Variants in SPPL3 observed in about 807,000 individuals in gnomAD.
SPPL3 encodes the protein signal peptide peptidase-like 3.
A neutral mutation model predicts 42.4 loss-of-function variants in SPPL3; 5 were observed. That is an observed-to-expected ratio of 0.12 (90% confidence interval 0.06 to 0.25). The LOEUF is 0.25. Ranked by LOEUF, SPPL3 falls within the 10% of genes least tolerant of loss-of-function variation. SPPL3 has a pLI of 1.00. For synonymous variants in SPPL3, 195 were observed against 181.8 expected (o/e 1.07, Z -0.58); for missense variants, 235 against 489.0 (o/e 0.48, Z 4.90).
intron 1 of SPPL3, among the ~76,000 whole-genome samples, chr12:120,849,467 C>T (rs1872153315): frequency 6.6e-6 from 1 of 152,184 alleles, no homozygotes; most frequent in Non-Finnish European, 1.5e-5. Flanking sequence ...TCTATCTATA[C>T]TAGCAATGGC....
chr12:120,781,264 C>T (rs3850521), intron 6 of SPPL3, among the ~76,000 whole-genome samples: 6,358 of 151,956 alleles, frequency 0.042, 180 homozygotes, highest in South Asian at 0.11. Context: ...CTACTATAGC[C>T]TATCTGAAAG....
At chr12:120,765,818 T>C (rs1213651733) in intron 10 of SPPL3, among the ~76,000 whole-genome samples, 1 of 152,174 alleles carries the variant, frequency 6.6e-6, no homozygotes, top group East Asian at 1.9e-4. Flanking sequence ...GGGCTGAGAA[T>C]AGATATCTGG....
chr12:120,810,977 C>G (rs1566048493), intron 1 of SPPL3, 91 bp from the exon 2 acceptor site: 2 of 786,512 alleles, frequency 2.5e-6, no homozygotes, highest in African/African-American at 3.6e-5. Context: ...CCCCACTGAG[C>G]TTTGTTTTTA....
intron 3 of SPPL3, among the ~76,000 whole-genome samples, chr12:120,789,934 T>C (rs530413388): frequency 2.0e-5 from 3 of 151,774 alleles, no homozygotes; most frequent in Admixed American, 1.3e-4. Flanking sequence ...GAGGTAAACT[T>C]AGACATAATA....
At position 120,855,971 on chromosome 12, in the gene SPPL3, T is replaced by C. The variant is rs368355452; in HGVS notation, c.24-45085A>G. On this transcript the variant is annotated intron_variant, in intron 1 of 10. Transcript: ENST00000353487. ...GGCCCAGGGAGTGAATCGTGATTAA[T>C]GTAAGCCAGCACTGTTCAACAGAAC... Among the ~76,000 whole-genome samples the C allele has an allele frequency of 4.1e-4, 62 of 152,286 alleles. No individual in the cohort carries two copies. The South Asian group carries it at 0.013, about 31-fold the overall frequency.
chr12:120,840,568 C>T (rs1871785185), intron 1 of SPPL3, among the ~76,000 whole-genome samples: 1 of 151,836 alleles, frequency 6.6e-6, no homozygotes. Context: ...AGAATTGTGG[C>T]CAGATGCGGT....
At chr12:120,857,332 T>C (rs1872495081) in intron 1 of SPPL3, among the ~76,000 whole-genome samples, 1 of 152,220 alleles carries the variant, frequency 6.6e-6, no homozygotes. Context: ...CAACAGATGC[T>C]GGCGAGGCTG....
At position 120,850,462 on chromosome 12, in the gene SPPL3, C is replaced by G. The variant is rs565751197; in HGVS notation, c.24-39576G>C. On this transcript the variant is annotated intron_variant, in intron 1 of 10. Transcript: ENST00000353487. ...CTGCTTGAGCCCAAGAGTTCAAGAC[C>G]AGCCTGGACAACATAGTGAGACCAG... Among the ~76,000 whole-genome samples the G allele has an allele frequency of 3.2e-4, 44 of 138,110 alleles. No homozygotes were observed. In the East Asian group the frequency reaches 8.3e-3, roughly 26 times the overall value. 90.6% of individuals were successfully genotyped at this position (138,110 alleles called of 152,430 possible). A position where few individuals can be genotyped will look rare whatever the true frequency, so the allele number is the denominator to read the frequency against.
chr12:120,767,706 G>A (rs1198725169), intron 8 of SPPL3, 113 bp from the exon 9 acceptor site: 8 of 1,034,146 alleles, frequency 7.7e-6, no homozygotes, highest in Non-Finnish European at 4.2e-6. Context: ...CTGCATGGCA[G>A]ATGGAAATCT....
intron 1 of SPPL3, among the ~76,000 whole-genome samples, chr12:120,896,054 T>G (rs543397667): frequency 6.6e-6 from 1 of 152,294 alleles, no homozygotes; most frequent in African/African-American, 2.4e-5. Flanking sequence ...AAAAAAATCC[T>G]TTGGTGGTTC....
intron 1 of SPPL3, among the ~76,000 whole-genome samples, chr12:120,836,726 C>G (rs1188366937): frequency 2.6e-5 from 4 of 152,150 alleles, no homozygotes; most frequent in Non-Finnish European, 5.9e-5. Flanking sequence ...AAGGGCAACC[C>G]AAGGGATACT....
intron 1 of SPPL3, among the ~76,000 whole-genome samples, chr12:120,856,342 T>C (rs1037170838): frequency 2.0e-5 from 3 of 151,470 alleles, no homozygotes; most frequent in Non-Finnish European, 4.4e-5. Flanking sequence ...CTTGAGGATG[T>C]GATGTCTCGG....
intron 1 of SPPL3, chr12:120,811,552 T>C (rs1252156864): frequency 6.6e-6 from 1 of 152,242 alleles, no homozygotes; most frequent in Admixed American, 6.5e-5. Context: ...CTAATCCCAC[T>C]GCCAATTTGT....
At chr12:120,799,030 T>A (rs950172271) in intron 2 of SPPL3, among the ~76,000 whole-genome samples, 1 of 152,202 alleles carries the variant, frequency 6.6e-6, no homozygotes. Context: ...CCATCCTGGA[T>A]GTTTTAAGGC....
chr12:120,846,483 T>C (rs1872044328), intron 1 of SPPL3, among the ~76,000 whole-genome samples: 1 of 152,224 alleles, frequency 6.6e-6, no homozygotes, highest in African/African-American at 2.4e-5. Flanking sequence ...GCTGCTAGTA[T>C]TTCCATTTAA....
chr12:120,781,653 A>T (rs920939905), intron 6 of SPPL3, among the ~76,000 whole-genome samples: 2 of 133,626 alleles, frequency 1.5e-5, no homozygotes, highest in South Asian at 4.6e-4. Flanking sequence ...GGCTCACTGC[A>T]AGCTCCGCCT....
In SPPL3 at chr12:120,852,824, A is replaced by C. The variant is rs1195194608; in HGVS notation, c.24-41938T>G. On this transcript the variant is annotated intron_variant, in intron 1 of 10. Coordinates refer to ENST00000353487, the MANE Select transcript of SPPL3 (RefSeq NM_139015.5). ...TATACATATATGAAATATATATTTC[A>C]TATAATATATACATATGATATATGA... Among the ~76,000 whole-genome samples the C allele has an allele frequency of 6.2e-5, 9 of 145,604 alleles. 1 individual carries two copies. Among genetic ancestry groups the C allele is most frequent in the African/African-American group, 2.2e-4 (9 of 40,076 alleles).
chr12:120,874,797 A>T (rs921255235), intron 1 of SPPL3, among the ~76,000 whole-genome samples: 1 of 151,876 alleles, frequency 6.6e-6, no homozygotes, highest in African/African-American at 2.4e-5. Context: ...GTGGGGTAGG[A>T]GGTGGTTATG....
At chr12:120,781,583 TTTTTTTTTG>T in intron 6 of SPPL3, among the ~76,000 whole-genome samples, 1 of 116,176 alleles carries the variant, frequency 8.6e-6, no homozygotes, top group African/African-American at 3.3e-5. Flanking sequence ...TTTTTTTTTT[TTTTTTTTTG>T]AGACGGAGTC....
Sources: allele counts gnomAD v4.1 joint callset (sites outside exome capture counted in the v4.1 genomes callset), GRCh38; gene constraint gnomAD v4.1.1; transcripts MANE v1.5; gene names NCBI Gene and HGNC (gene_info 2026-07-23, HGNC 2026-07-21).